FGF14: variants seen among roughly 807,000 people sequenced by gnomAD.
The protein encoded by FGF14 is fibroblast growth factor 14.
A neutral mutation model predicts 25.5 loss-of-function variants in FGF14; 5 were observed. The observed-to-expected ratio is 0.20, with a 90% CI of 0.10 to 0.41. FGF14 has a LOEUF of 0.41. Among genes scored for constraint, FGF14 ranks in the 10% least tolerant of loss-of-function variants. The pLI is 1.00. For synonymous variants in FGF14, 138 were observed against 118.3 expected (o/e 1.17, Z -1.08); for missense variants, 222 against 320.1 (o/e 0.69, Z 2.34).
rs137926513 is a variant in FGF14 at position 102,218,229 on chromosome 13, A to G, written c.208+183242T>C. Among the ~76,000 whole-genome samples, 293 of 152,156 alleles carry G rather than the reference A, an allele frequency of 1.9e-3. 3 individuals carry two copies. The highest frequency in any genetic ancestry group is 6.5e-3 in the African/African-American group (270 of 41,532). Reference sequence around the variant, plus strand: ...CTCAATGCCAGAGCTCTGCTTGAATAAAAAGCCCTGACCACAAAGCAGAAG... The same window carrying G: ...CTCAATGCCAGAGCTCTGCTTGAATGAAAAGCCCTGACCACAAAGCAGAAG... On this transcript the variant is annotated intron_variant, in intron 1 of 4. Coordinates refer to the FGF14 transcript ENST00000376131.
chr13:101,891,231 T>C (rs557630999), intron 1 of FGF14, among the ~76,000 whole-genome samples: 1 of 152,154 alleles, frequency 6.6e-6, no homozygotes, highest in African/African-American at 2.4e-5. Flanking sequence ...ATAGCCCCTG[T>C]AGTCTAGTTA....
intron 1 of FGF14, among the ~76,000 whole-genome samples, chr13:102,033,168 CT>C (rs2041295727): frequency 6.6e-6 from 1 of 152,092 alleles, no homozygotes; most frequent in Non-Finnish European, 1.5e-5. Context: ...TGATCAGTTA[CT>C]TTTCCAGTAC....
intron 3 of FGF14, among the ~76,000 whole-genome samples, chr13:101,751,570 T>C (rs933031912): frequency 2.0e-5 from 3 of 152,010 alleles, no homozygotes; most frequent in African/African-American, 7.2e-5. Context: ...AAAGCCCAGG[T>C]TGACGAAGCA....
intron 1 of FGF14, among the ~76,000 whole-genome samples, chr13:102,096,732 C>T (rs1340270038): frequency 6.6e-6 from 1 of 152,050 alleles, no homozygotes; most frequent in African/African-American, 2.4e-5. Flanking sequence ...ATTAAACATG[C>T]CTGGGATATC....
At chr13:101,926,037 T>C (rs1474579654) in intron 1 of FGF14, among the ~76,000 whole-genome samples, 1 of 152,192 alleles carries the variant, frequency 6.6e-6, no homozygotes, top group Admixed American at 6.5e-5. Context: ...GTGATTTCAC[T>C]GGGCCCACCC....
chr13:101,933,715 C>G (rs933911566), intron 1 of FGF14, among the ~76,000 whole-genome samples: 9 of 152,124 alleles, frequency 5.9e-5, no homozygotes, highest in Non-Finnish European at 1.0e-4. Context: ...CAGAGTGAGA[C>G]TCTATCTCAA....
At chr13:102,097,772 A>G (rs1595263918) in intron 1 of FGF14, among the ~76,000 whole-genome samples, 1 of 152,288 alleles carries the variant, frequency 6.6e-6, no homozygotes, top group South Asian at 2.1e-4. Flanking sequence ...CTGTCAGACA[A>G]TACTCTGAGG....
At chr13:102,367,433 CACT>C (rs1482684861) in intron 1 of FGF14, 5 of 152,250 alleles carry the variant, frequency 3.3e-5, no homozygotes, top group Non-Finnish European at 7.3e-5. Flanking sequence ...ATGAAAACAC[CACT>C]GTCTTTTATG....
intron 3 of FGF14, among the ~76,000 whole-genome samples, chr13:101,727,049 C>T (rs2035485975): frequency 6.6e-6 from 1 of 152,018 alleles, no homozygotes; most frequent in Non-Finnish European, 1.5e-5. Context: ...GAAAACAATA[C>T]ATGAGCAAAC....
chr13:102,230,183 T>C (rs915220178), intron 1 of FGF14, among the ~76,000 whole-genome samples: 6 of 152,208 alleles, frequency 3.9e-5, no homozygotes, highest in African/African-American at 1.2e-4. Context: ...TAGAAGTCAC[T>C]GTCTATGAGG....
intron 1 of FGF14, among the ~76,000 whole-genome samples, chr13:101,931,681 C>G (rs2034758450): frequency 1.3e-5 from 2 of 152,200 alleles, no homozygotes; most frequent in Non-Finnish European, 2.9e-5. Context: ...AGGTTGGTTT[C>G]CTCCGGGTGA....
At chr13:102,277,667 A>G (rs1304077005) in intron 1 of FGF14, among the ~76,000 whole-genome samples, 2 of 152,206 alleles carry the variant, frequency 1.3e-5, no homozygotes, top group Non-Finnish European at 2.9e-5. Flanking sequence ...TCATAAGCTC[A>G]ACCATTTACC....
intron 1 of FGF14, among the ~76,000 whole-genome samples, chr13:101,969,941 G>T (rs995074060): frequency 6.6e-6 from 1 of 152,184 alleles, no homozygotes; most frequent in Non-Finnish European, 1.5e-5. Context: ...GCAAACATTC[G>T]TAATTTATGG....
chr13:102,313,057 G>A (rs1422004494), intron 1 of FGF14, among the ~76,000 whole-genome samples: 1 of 152,184 alleles, frequency 6.6e-6, no homozygotes, highest in Non-Finnish European at 1.5e-5. Context: ...CAGACATTTA[G>A]TTCAAGGACA....
At chr13:102,378,631 C>A (rs1932775) in intron 1 of FGF14, among the ~76,000 whole-genome samples, 26,620 of 141,434 alleles carry the variant, frequency 0.19, 3,717 homozygotes, top group African/African-American at 0.4. Context: ...ATCTATCTAT[C>A]TATATATATA....
chr13:101,908,850 G>C (rs1018170152), intron 1 of FGF14, among the ~76,000 whole-genome samples: 1 of 152,122 alleles, frequency 6.6e-6, no homozygotes, highest in South Asian at 2.1e-4. Context: ...ATACTACAAG[G>C]CTACAGTAAC....
intron 1 of FGF14, chr13:102,367,710 T>C (rs1449427921): frequency 6.6e-6 from 1 of 152,168 alleles, no homozygotes; most frequent in African/African-American, 2.4e-5. Context: ...AAGAACTAAG[T>C]CTACAGATCA....
chr13:101,991,908 G>C (rs2038931252), intron 1 of FGF14, among the ~76,000 whole-genome samples: 1 of 151,874 alleles, frequency 6.6e-6, no homozygotes, highest in African/African-American at 2.4e-5. Context: ...AGGACAAAGT[G>C]ACCTTTTTGA....
At chr13:101,747,201 C>A (rs1037497758) in intron 3 of FGF14, among the ~76,000 whole-genome samples, 1 of 151,964 alleles carries the variant, frequency 6.6e-6, no homozygotes, top group Non-Finnish European at 1.5e-5. Context: ...AATTTAGCGA[C>A]TGAGCTCTGC....
Sources: allele counts gnomAD v4.1 joint callset (sites outside exome capture counted in the v4.1 genomes callset), GRCh38; gene constraint gnomAD v4.1.1; transcripts MANE v1.5; gene names NCBI Gene and HGNC (gene_info 2026-07-23, HGNC 2026-07-21).